The following PKHD1 variants were observed in gnomAD, a reference collection of about 807,000 sequenced individuals.
PKHD1 encodes the protein fibrocystin.
Under a neutral mutation model 412.0 loss-of-function variants are expected in PKHD1, and 291 were observed. That is an observed-to-expected ratio of 0.71 (90% CI 0.64 to 0.78). The LOEUF (loss-of-function observed/expected upper bound fraction) is 0.78, where lower values mean the gene tolerates loss of function less well. PKHD1 is among the 30% of genes least tolerant of loss of function. The pLI is 0.00. For synonymous variants in PKHD1, 1,777 were observed against 1,821.5 expected, an observed-to-expected ratio of 0.98 and a Z score of 0.62; for missense variants, 4,825 against 4,950.7, an observed-to-expected ratio of 0.97 and a Z score of 0.76.
At chr6:51,846,215 G>A (rs913763209) in intron 50 of PKHD1, among the ~76,000 whole-genome samples, 3 of 152,078 alleles carry the variant, frequency 2.0e-5, no homozygotes, top group African/African-American at 4.8e-5. Flanking sequence ...AAAGACCAAG[G>A]GAGCACCAGA....
chr6:51,781,731 G>A (rs944506010), intron 53 of PKHD1, among the ~76,000 whole-genome samples: 1 of 151,916 alleles, frequency 6.6e-6, no homozygotes, highest in African/African-American at 2.4e-5. Context: ...AACAGTAATA[G>A]TAACCATGGA....
intron 35 of PKHD1, among the ~76,000 whole-genome samples, chr6:51,962,118 G>A (rs992990980): frequency 6.6e-6 from 1 of 152,058 alleles, no homozygotes; most frequent in Non-Finnish European, 1.5e-5. Flanking sequence ...CTTTGGCCAG[G>A]ATCGCCCAAA....
At position 51,885,857 on chromosome 6, in the gene PKHD1, A is replaced by G; in HGVS notation, c.7215+10T>C. The G allele has an allele frequency of 6.4e-7, 1 of 1,568,240 alleles. No individual in the cohort carries two copies. The highest frequency in any genetic ancestry group is 2.2e-5 in the East Asian group (1 of 44,650). ...ACAACAACAATAACAACAACAACAA[A>G]AAAGCTTACCTGGGCACCACCTGCA... On this transcript the variant is annotated intron_variant, in intron 45 of 66. Coordinates refer to ENST00000371117, the MANE Select transcript of PKHD1 (RefSeq NM_138694.4).
chr6:51,774,399 T>C (rs1790655589), intron 54 of PKHD1, among the ~76,000 whole-genome samples: 1 of 151,998 alleles, frequency 6.6e-6, no homozygotes, highest in South Asian at 2.1e-4. Context: ...AGAGCAGGCA[T>C]CTGTGGATAG....
rs933948697 is a variant in PKHD1 at position 51,897,505 on chromosome 6, T to A, written c.6996+6092A>T. On this transcript the variant is annotated intron_variant, in intron 43 of 66. Coordinates refer to ENST00000371117, the MANE Select transcript of PKHD1 (RefSeq NM_138694.4). ...ACCAGGCCTGCCCTAAAAGAGCTCC[T>A]GAAGGAAGCACTAAACATGGAATGG... Among the ~76,000 whole-genome samples, 342 of 148,830 alleles carry A rather than the reference T, an allele frequency of 2.3e-3. 3 individuals carry two copies. The highest frequency in any genetic ancestry group is 7.6e-3 in the African/African-American group (303 of 39,924).
chr6:52,080,989 T>G (rs1203805768), intron 4 of PKHD1, among the ~76,000 whole-genome samples: 1 of 152,206 alleles, frequency 6.6e-6, no homozygotes, highest in Non-Finnish European at 1.5e-5. Flanking sequence ...AATGGCTGTT[T>G]TAGAGAAAAC....
intron 48 of PKHD1, among the ~76,000 whole-genome samples, chr6:51,863,280 T>C (rs965109814): frequency 6.6e-6 from 1 of 152,178 alleles, no homozygotes; most frequent in Non-Finnish European, 1.5e-5. Flanking sequence ...TTTATGTACG[T>C]CCTGTAAAAA....
At chr6:51,986,057 G>A (rs1447557502) in intron 35 of PKHD1, among the ~76,000 whole-genome samples, 2 of 152,130 alleles carry the variant, frequency 1.3e-5, no homozygotes, top group Non-Finnish European at 2.9e-5. Flanking sequence ...GAGAATGTAA[G>A]GTAAAAACGT....
chr6:51,793,343 ATTTAT>A (rs1171623654), intron 52 of PKHD1, among the ~76,000 whole-genome samples: 1 of 152,076 alleles, frequency 6.6e-6, no homozygotes, highest in East Asian at 1.9e-4. Context: ...TTATTTACTT[ATTTAT>A]TTTATTTTCA....
intron 37 of PKHD1, among the ~76,000 whole-genome samples, chr6:51,933,294 C>T (rs1158975774): frequency 6.6e-6 from 1 of 152,172 alleles, no homozygotes; most frequent in Non-Finnish European, 1.5e-5. Flanking sequence ...GAGTAGAACA[C>T]ACTGTAGCCT....
intron 60 of PKHD1, among the ~76,000 whole-genome samples, chr6:51,667,657 T>G (rs1423111511): frequency 2.6e-5 from 4 of 151,142 alleles, no homozygotes; most frequent in African/African-American, 7.3e-5. Context: ...TAGGTTTTCT[T>G]CTAGGGTTTT....
intron 40 of PKHD1, among the ~76,000 whole-genome samples, chr6:51,907,001 T>G (rs1782199505): frequency 6.6e-6 from 1 of 152,174 alleles, no homozygotes; most frequent in Admixed American, 6.5e-5. Flanking sequence ...GATGAGTCAA[T>G]GAATACACAA....
intron 55 of PKHD1, among the ~76,000 whole-genome samples, chr6:51,772,495 C>T (rs972188620): frequency 4.6e-5 from 7 of 151,736 alleles, no homozygotes; most frequent in Non-Finnish European, 1.0e-4. Context: ...AACTGTGTTC[C>T]TCTATTACCT....
chr6:51,860,379 G>C (rs1773992177), intron 48 of PKHD1, among the ~76,000 whole-genome samples: 1 of 152,108 alleles, frequency 6.6e-6, no homozygotes, highest in Non-Finnish European at 1.5e-5. Flanking sequence ...AGCACCAAAA[G>C]AACATCAAGA....
Position 52,045,129 on chromosome 6 carries a change from G to A in PKHD1, c.2593-41C>T, listed in dbSNP as rs760877845. On this transcript the variant is annotated intron_variant, in intron 24 of 66. Transcript: ENST00000371117. Reference sequence around the variant, plus strand: ...TTCTGGTAAATTCTGTCATGGAACCGAAATCTAATCTCGTCTAATCAAATA... The same window carrying A: ...TTCTGGTAAATTCTGTCATGGAACCAAAATCTAATCTCGTCTAATCAAATA... 1.2e-5 allele frequency: 20 copies of A among 1,602,232 alleles called. 1 individual carries two copies. The highest frequency in any genetic ancestry group is 8.8e-5 in the South Asian group (8 of 90,772).
chr6:51,743,023 A>G (rs763796186), intron 60 of PKHD1, among the ~76,000 whole-genome samples: 10 of 152,154 alleles, frequency 6.6e-5, no homozygotes, highest in African/African-American at 9.7e-5. Context: ...ATAAGAGACC[A>G]GGATAAGTAA....
intron 41 of PKHD1, among the ~76,000 whole-genome samples, chr6:51,905,343 A>T (rs1781916608): frequency 6.6e-6 from 1 of 152,162 alleles, no homozygotes; most frequent in Non-Finnish European, 1.5e-5. Flanking sequence ...TGGTATAAAG[A>T]CATTAATCAG....
chr6:51,830,755 A>G, intron 52 of PKHD1, 106 bp downstream of exon 52: 1 of 1,090,450 alleles, frequency 9.2e-7, no homozygotes, highest in Non-Finnish European at 1.4e-6. Flanking sequence ...ATAAGTGCCT[A>G]CTTATTTCCA....
chr6:51,702,203 T>C (rs1456125666), intron 60 of PKHD1, among the ~76,000 whole-genome samples: 1 of 147,068 alleles, frequency 6.8e-6, no homozygotes, highest in Admixed American at 6.9e-5. Flanking sequence ...ATATTATACG[T>C]ATAATATATA....
Sources: gnomAD v4.1 joint callset for allele counts (sites outside exome capture counted in the v4.1 genomes callset) on GRCh38, gnomAD v4.1.1 for gene constraint, MANE v1.5 for transcripts, NCBI Gene and HGNC (gene_info 2026-07-23, HGNC 2026-07-21) for gene names.